PKN2: variants seen among roughly 807,000 people sequenced by gnomAD.
PKN2 encodes the protein serine/threonine-protein kinase N2.
PKN2 carries 38 observed loss-of-function variants against 119.1 expected under a neutral mutation model. That is an observed-to-expected ratio of 0.32 (90% CI 0.25 to 0.42). The LOEUF is 0.42. Among genes scored for constraint, PKN2 ranks in the 10% least tolerant of loss-of-function variants. PKN2 has a pLI of 1.00. For synonymous variants in PKN2, 390 were observed against 384.9 expected, an observed-to-expected ratio of 1.01 and a Z score of -0.15; for missense variants, 850 against 1,165.1, an observed-to-expected ratio of 0.73 and a Z score of 3.94.
intron 1 of PKN2, among the ~76,000 whole-genome samples, chr1:88,693,679 C>G (rs191838108): frequency 6.6e-6 from 1 of 152,220 alleles, no homozygotes; most frequent in Admixed American, 6.5e-5. Context: ...TCATTGCACT[C>G]TAACCTGGGC....
chr1:88,804,440 G>C lies in PKN2; in HGVS notation c.1331G>C (p.Cys444Ser), dbSNP rs1451645400. The change falls in exon 9 of 22, where the codon TGT (cysteine) becomes TCT (serine). Residue 444 changes from cysteine to serine, a missense_variant. Cys to Ser is a moderately radical substitution (Grantham distance 112). Coordinates refer to ENST00000370521, the MANE Select transcript of PKN2 (RefSeq NM_006256.4). ...SVYWRDWRSL[C>S]AVKFLRLEDF... Reference sequence around the variant, plus strand: ...TATTGGCGTGATTGGCGGTCTCTGTGTGCTGTAAAATTTCTGAGGTTAGAA... The same window carrying C: ...TATTGGCGTGATTGGCGGTCTCTGTCTGCTGTAAAATTTCTGAGGTTAGAA... 1 of 1,613,336 alleles carries C rather than the reference G, an allele frequency of 6.2e-7. No individual in the cohort carries two copies. Among genetic ancestry groups the C allele is most frequent in the Admixed American group, 1.7e-5 (1 of 59,958 alleles).
At chr1:88,736,169 GT>G (rs1668339292) in intron 1 of PKN2, among the ~76,000 whole-genome samples, 1 of 152,040 alleles carries the variant, frequency 6.6e-6, no homozygotes, top group Non-Finnish European at 1.5e-5. Context: ...CAGGATTTCA[GT>G]TTGTTTAATC....
chr1:88,711,420 G>A (rs1667231587), intron 1 of PKN2, among the ~76,000 whole-genome samples: 1 of 152,172 alleles, frequency 6.6e-6, no homozygotes, highest in South Asian at 2.1e-4. Context: ...TATGTTGGAA[G>A]TGTAAGAACC....
chr1:88,831,630 A>C (rs1672736758), intron 19 of PKN2, among the ~76,000 whole-genome samples: 1 of 152,026 alleles, frequency 6.6e-6, no homozygotes, highest in African/African-American at 2.4e-5. Flanking sequence ...TTGGATTCTG[A>C]ATTTATTTTC....
At chr1:88,760,116 G>A in intron 2 of PKN2, 106 bp from the exon 3 acceptor site, 1 of 638,806 alleles carries the variant, frequency 1.6e-6, no homozygotes, top group Non-Finnish European at 2.8e-6. Context: ...TTTCATTTAG[G>A]CTCATCTCAA....
chr1:88,819,945 T>A (rs924184376), intron 16 of PKN2, among the ~76,000 whole-genome samples: 1 of 149,902 alleles, frequency 6.7e-6, no homozygotes, highest in Non-Finnish European at 1.5e-5. Flanking sequence ...TAAGTGGGAG[T>A]TGAACAATGA....
chr1:88,751,856 C>G (rs1459467146), intron 2 of PKN2, among the ~76,000 whole-genome samples: 2 of 151,508 alleles, frequency 1.3e-5, no homozygotes, highest in Non-Finnish European at 2.9e-5. Flanking sequence ...CATCTATTTT[C>G]TTTCAGCACT....
chr1:88,792,240 A>G (rs899960929), intron 8 of PKN2, among the ~76,000 whole-genome samples: 3 of 152,114 alleles, frequency 2.0e-5, no homozygotes, highest in Non-Finnish European at 4.4e-5. Flanking sequence ...CCCCGTCTCT[A>G]CTAAAAATAC....
At chr1:88,780,475 A>G (rs1046243185) in intron 6 of PKN2, among the ~76,000 whole-genome samples, 1 of 152,272 alleles carries the variant, frequency 6.6e-6, no homozygotes, top group South Asian at 2.1e-4. Flanking sequence ...CCTATCATGA[A>G]TATTCTGTCA....
chr1:88,807,841 A>C, intron 15 of PKN2, 66 bp downstream of exon 15: 1 of 850,766 alleles, frequency 1.2e-6, no homozygotes, highest in Admixed American at 2.4e-5. Flanking sequence ...TGATATATGT[A>C]TTACAACAGC....
At chr1:88,718,829 T>G (rs1667557364) in intron 1 of PKN2, among the ~76,000 whole-genome samples, 1 of 152,180 alleles carries the variant, frequency 6.6e-6, no homozygotes, top group Non-Finnish European at 1.5e-5. Flanking sequence ...ATTTCTTCCC[T>G]GTTTATTATA....
chr1:88,776,346 G>C (rs930600828), intron 6 of PKN2, among the ~76,000 whole-genome samples: 1 of 149,774 alleles, frequency 6.7e-6, no homozygotes, highest in Non-Finnish European at 1.5e-5. Context: ...ACCTCCCTTA[G>C]CTTTTGTTAT....
intron 8 of PKN2, among the ~76,000 whole-genome samples, chr1:88,790,657 T>C (rs769521448): frequency 1.5e-4 from 23 of 152,314 alleles, no homozygotes; most frequent in South Asian, 4.1e-4. Context: ...CTTACTTGGG[T>C]ATCTTTCATT....
rs549044488 is a variant in PKN2 at position 88,782,167 on chromosome 1, TGA to T, written c.986-2467_986-2466del. Among the ~76,000 whole-genome samples, 5 of 152,300 alleles carry T rather than the reference TGA, an allele frequency of 3.3e-5. No homozygotes were observed. In the South Asian group the frequency reaches 1.0e-3, roughly 32 times the overall value. On this transcript the variant is annotated intron_variant, in intron 6 of 21. Transcript: ENST00000370521. Reference sequence around the variant, plus strand: ...ATGGTCTTGCTTTCATTGTTTTGCATGAGAGATCTCCTGCCATCTTAATCTTT... The same window carrying T: ...ATGGTCTTGCTTTCATTGTTTTGCATGAGATCTCCTGCCATCTTAATCTTT...
At chr1:88,714,427 T>G (rs1043415339) in intron 1 of PKN2, among the ~76,000 whole-genome samples, 9 of 152,236 alleles carry the variant, frequency 5.9e-5, no homozygotes, top group African/African-American at 2.2e-4. Context: ...TGGAACGTTC[T>G]TCCATTTGTT....
intron 1 of PKN2, among the ~76,000 whole-genome samples, chr1:88,723,940 A>AT (rs1667795769): frequency 6.6e-6 from 1 of 152,086 alleles, no homozygotes; most frequent in African/African-American, 2.4e-5. Context: ...AGACGTAGGC[A>AT]TTTTTTCAAT....
At chr1:88,696,139 C>T (rs1267984358) in intron 1 of PKN2, among the ~76,000 whole-genome samples, 4 of 152,184 alleles carry the variant, frequency 2.6e-5, no homozygotes, top group Non-Finnish European at 5.9e-5. Flanking sequence ...GTTACTACTG[C>T]TTTTGTTTGG....
At chr1:88,713,124 A>G (rs552158004) in intron 1 of PKN2, among the ~76,000 whole-genome samples, 2,962 of 152,280 alleles carry the variant, frequency 0.019, 95 homozygotes, top group African/African-American at 0.067. Context: ...TTATGGCTGT[A>G]TAGTATTCCA....
chr1:88,686,207 T>G (rs1453544080), intron 1 of PKN2, among the ~76,000 whole-genome samples: 1 of 152,150 alleles, frequency 6.6e-6, no homozygotes, highest in East Asian at 1.9e-4. Context: ...TTGCCTGGTC[T>G]TGAACCATGA....
Sources: gnomAD v4.1 joint callset for allele counts (sites outside exome capture counted in the v4.1 genomes callset) on GRCh38, gnomAD v4.1.1 for gene constraint, MANE v1.5 for transcripts, NCBI Gene and HGNC (gene_info 2026-07-23, HGNC 2026-07-21) for gene names.